The following KLRD1 variants were observed in gnomAD, a reference collection of about 807,000 sequenced individuals.
KLRD1 encodes the protein natural killer cells antigen CD94.
KLRD1 carries 21 observed loss-of-function variants against 22.6 expected under a neutral mutation model. That is an observed-to-expected ratio of 0.93 (90% CI 0.66 to 1.34). The LOEUF (loss-of-function observed/expected upper bound fraction) is 1.34, where lower values mean the gene tolerates loss of function less well. KLRD1 is among the 40% of genes most tolerant of loss of function. The pLI is 0.00. For synonymous variants in KLRD1, 59 were observed against 71.1 expected, an observed-to-expected ratio of 0.83 and a Z score of 0.85; for missense variants, 183 against 208.6, an observed-to-expected ratio of 0.88 and a Z score of 0.76.
chr12:10,301,905 A>G (rs1335477769), upstream of KLRD1, among the ~76,000 whole-genome samples: 1 of 152,128 alleles, frequency 6.6e-6, no homozygotes, highest in African/African-American at 2.4e-5. Context: ...AAATTTTGGC[A>G]TTGTTGTATC....
chr12:10,317,427 A>G lies in KLRD1; in HGVS notation c.*2634A>G, dbSNP rs1423378663. On this transcript the variant is annotated 3_prime_UTR_variant, in exon 6 of 6. Transcript: ENST00000336164. ...TTCTTCATGGTCCAGGATATGGGCC[A>G]TGTGCTAAACTATTACCAGACACCT... The G allele has an allele frequency of 6.6e-6, 1 of 152,236 alleles. No individual in the cohort carries two copies. The highest frequency in any genetic ancestry group is 1.5e-5 in the Non-Finnish European group (1 of 68,072). 9.4% of individuals were successfully genotyped at this position (152,236 alleles called of 1,614,324 possible). A position where few individuals can be genotyped will look rare whatever the true frequency, so the allele number is the denominator to read the frequency against.
At chr12:10,292,942 C>G (rs1026820145) in intron 1 of KLRD1, among the ~76,000 whole-genome samples, 1 of 151,572 alleles carries the variant, frequency 6.6e-6, no homozygotes. Context: ...TTCATCAGCA[C>G]TTACTGCTTC....
rs1950254288 is a variant in KLRD1 at position 10,317,318 on chromosome 12, G to A, written c.*2525G>A. 6.6e-6 allele frequency: 1 copy of A among 152,182 alleles called. No homozygotes were observed. Among genetic ancestry groups the A allele is most frequent in the South Asian group, 2.1e-4 (1 of 4,830 alleles). The allele number at this position is 152,182 out of a possible 1,614,324, so 9.4% of individuals were successfully genotyped here. A position where few individuals can be genotyped will look rare whatever the true frequency, so the allele number is the denominator to read the frequency against. ...AATTATTAGTTCCTCCGTTAGTTGTGAAGTCCTAATTAGGGAAAAGGAGTT... is the reference window on the plus strand; with the variant it reads ...AATTATTAGTTCCTCCGTTAGTTGTAAAGTCCTAATTAGGGAAAAGGAGTT... On this transcript the variant is annotated 3_prime_UTR_variant, in exon 6 of 6. Transcript: ENST00000336164.
At chr12:10,239,092 T>C (rs1200488202) in intron 1 of KLRD1, among the ~76,000 whole-genome samples, 2 of 152,264 alleles carry the variant, frequency 1.3e-5, no homozygotes, top group African/African-American at 4.8e-5. Flanking sequence ...TCTTTTGTTG[T>C]ACGTGGTCAC....
chr12:10,308,178 A>G lies in KLRD1; in HGVS notation c.7+94A>G, dbSNP rs138289524. 2.2e-3 allele frequency: 2,291 copies of G among 1,054,458 alleles called. 8 individuals are homozygous for G. Among genetic ancestry groups the G allele is most frequent in the Non-Finnish European group, 2.4e-3 (1,642 of 675,714 alleles). The allele number at this position is 1,054,458 out of a possible 1,614,324, so 65.3% of individuals were successfully genotyped here. On this transcript the variant is annotated intron_variant, in intron 1 of 5. Coordinates refer to ENST00000336164, the MANE Select transcript of KLRD1 (RefSeq NM_002262.5). ...GGGTAATGCTTTAAGAGAAAAGGACATGATTAACAGTGGATGTTTTTAGGA... is the reference window on the plus strand; with the variant it reads ...GGGTAATGCTTTAAGAGAAAAGGACGTGATTAACAGTGGATGTTTTTAGGA...
At chr12:10,240,806 A>T (rs1011093278) in intron 1 of KLRD1, among the ~76,000 whole-genome samples, 4 of 152,224 alleles carry the variant, frequency 2.6e-5, no homozygotes, top group Non-Finnish European at 5.9e-5. Flanking sequence ...TAAGTAAATT[A>T]TACAGGGATT....
At position 10,323,767 on chromosome 12, in the gene KLRD1, G is replaced by A. The variant is rs1950332451; in HGVS notation, c.*8974G>A. Reference sequence around the variant, plus strand: ...AGAATCATATAATATGTACATCTGTGTTCTAGATTTTTCATTCAGCATCAT... The same window carrying A: ...AGAATCATATAATATGTACATCTGTATTCTAGATTTTTCATTCAGCATCAT... On this transcript the variant is annotated 3_prime_UTR_variant, in exon 6 of 6. Transcript: ENST00000336164. 1 of 149,334 alleles carries A rather than the reference G, an allele frequency of 6.7e-6. No individual in the cohort carries two copies. Among genetic ancestry groups the A allele is most frequent in the Non-Finnish European group, 1.5e-5 (1 of 67,510 alleles). 9.3% of individuals were successfully genotyped at this position (149,334 alleles called of 1,614,324 possible). A position where few individuals can be genotyped will look rare whatever the true frequency, so the allele number is the denominator to read the frequency against.
upstream of KLRD1, among the ~76,000 whole-genome samples, chr12:10,300,296 G>T (rs1342638010): frequency 6.6e-6 from 1 of 152,148 alleles, no homozygotes; most frequent in Non-Finnish European, 1.5e-5. Context: ...CTTAAAAGTT[G>T]AAATGACTCC....
In KLRD1 at chr12:10,309,678, A is replaced by G. The variant is rs1950011748; in HGVS notation, c.153A>G (p.Glu51=). 1 of 1,611,898 alleles carries G rather than the reference A, an allele frequency of 6.2e-7. No individual in the cohort carries two copies. Among genetic ancestry groups the G allele is most frequent in the Non-Finnish European group, 8.5e-7 (1 of 1,178,328 alleles). ...EPAFTPGPNI[E]LQKDSDCCSC... ...CATTTACTCCAGGACCCAACATAGAACTCCAGAAAGGTAGGTCACATTTTT... is the reference window on the plus strand; with the variant it reads ...CATTTACTCCAGGACCCAACATAGAGCTCCAGAAAGGTAGGTCACATTTTT... The change falls in exon 3 of 6, where the codon GAA becomes GAG. Residue 51 remains glutamate (E), a synonymous_variant. Coordinates refer to ENST00000336164, the MANE Select transcript of KLRD1 (RefSeq NM_002262.5).
At chr12:10,306,592 G>A (rs3759270), upstream of KLRD1, among the ~76,000 whole-genome samples, 97,436 of 152,052 alleles carry the variant, frequency 0.64, 31,320 homozygotes, top group Middle Eastern at 0.7. Flanking sequence ...GGGAAAAATA[G>A]TATCAGACAG....
At chr12:10,239,442 C>CTTCT (rs1949214454) in intron 1 of KLRD1, among the ~76,000 whole-genome samples, 1 of 37,980 alleles carries the variant, frequency 2.6e-5, no homozygotes, top group Non-Finnish European at 5.0e-5. Flanking sequence ...CCTTTCCTTC[C>CTTCT]TTCCTTCCTT....
At chr12:10,254,431 C>CAAAAAA (rs71300165) in intron 1 of KLRD1, among the ~76,000 whole-genome samples, 1 of 86,948 alleles carries the variant, frequency 1.2e-5, no homozygotes, top group African/African-American at 4.9e-5. Context: ...CACTCCGTCT[C>CAAAAAA]AAAAAAAAAA....
intron 1 of KLRD1, among the ~76,000 whole-genome samples, chr12:10,297,511 A>G (rs1249918469): frequency 2.0e-5 from 3 of 152,146 alleles, no homozygotes; most frequent in African/African-American, 7.2e-5. Context: ...ACTCAATAAA[A>G]TAATTTTATA....
At chr12:10,308,316 A>G (rs1949971844) in intron 1 of KLRD1, 2 of 512,756 alleles carry the variant, frequency 3.9e-6, no homozygotes, top group African/African-American at 3.8e-5. Flanking sequence ...GGTTTCTGAC[A>G]GGGCTACCTT....
chr12:10,274,101 G>A (rs1027241290), intron 1 of KLRD1, among the ~76,000 whole-genome samples: 1 of 110,570 alleles, frequency 9.0e-6, no homozygotes, highest in Non-Finnish European at 2.0e-5. Flanking sequence ...TGACCAATGT[G>A]GTGAAATCTC....
intron 1 of KLRD1, among the ~76,000 whole-genome samples, chr12:10,239,583 CTT>C (rs764410569): frequency 3.2e-5 from 3 of 95,150 alleles, no homozygotes; most frequent in African/African-American, 1.2e-4. Flanking sequence ...TTCTTTCTTT[CTT>C]TTTCTTTCTT....
At chr12:10,241,256 A>C (rs778654617) in intron 1 of KLRD1, among the ~76,000 whole-genome samples, 3 of 152,190 alleles carry the variant, frequency 2.0e-5, no homozygotes, top group Non-Finnish European at 2.9e-5. Flanking sequence ...ATCAATTATT[A>C]GGTTACTCTT....
intron 1 of KLRD1, among the ~76,000 whole-genome samples, chr12:10,255,025 A>T (rs1468682561): frequency 7.3e-6 from 1 of 137,118 alleles, no homozygotes; most frequent in Non-Finnish European, 1.6e-5. Flanking sequence ...GAAAAATGCA[A>T]ATCAAAACCA....
rs141161612 is a variant in KLRD1 at position 10,320,789 on chromosome 12, C to T, written c.*5996C>T. On this transcript the variant is annotated 3_prime_UTR_variant, in exon 6 of 6. Coordinates refer to ENST00000336164, the MANE Select transcript of KLRD1 (RefSeq NM_002262.5). ...TCCTGTAAATATCATAGAAAGAACA[C>T]AAGTAGTGCCTCAATTCAGTCAGAT... The T allele has an allele frequency of 1.6e-4, 25 of 152,226 alleles. No homozygotes were observed. The highest frequency in any genetic ancestry group is 5.8e-4 in the African/African-American group (24 of 41,540). 9.4% of individuals were successfully genotyped at this position (152,226 alleles called of 1,614,324 possible).
Sources: gnomAD v4.1 joint callset for allele counts (sites outside exome capture counted in the v4.1 genomes callset) on GRCh38, gnomAD v4.1.1 for gene constraint, MANE v1.5 for transcripts, NCBI Gene and HGNC (gene_info 2026-07-23, HGNC 2026-07-21) for gene names.